The following HPSE2 variants were observed in gnomAD, a reference collection of about 807,000 sequenced individuals.
HPSE2 encodes the protein heparanase 2 (inactive).
Under a neutral mutation model 60.5 loss-of-function variants are expected in HPSE2, and 38 were observed. The observed-to-expected ratio is 0.63, with a 90% CI of 0.48 to 0.82. The LOEUF is 0.82. Ranked by LOEUF, HPSE2 falls within the 40% of genes least tolerant of loss-of-function variation. HPSE2 has a pLI of 0.00. For synonymous variants in HPSE2, 295 were observed against 293.2 expected (o/e 1.01, Z -0.06); for missense variants, 713 against 740.4 (o/e 0.96, Z 0.43).
At chr10:99,179,781 C>T (rs984693012) in intron 2 of HPSE2, among the ~76,000 whole-genome samples, 1 of 150,656 alleles carries the variant, frequency 6.6e-6, no homozygotes, top group Non-Finnish European at 1.5e-5. Context: ...CATATGAAAC[C>T]AAAAAGGAGC....
chr10:98,749,504 CATATATACATACATACAAGAAGAT>C (rs1949705903), intron 3 of HPSE2, among the ~76,000 whole-genome samples: 1 of 149,926 alleles, frequency 6.7e-6, no homozygotes, highest in Non-Finnish European at 1.5e-5. Context: ...TATATATATG[CATATATACATACATACAAGAAGAT>C]AGATATACAT....
At chr10:98,790,477 A>C (rs1467778284) in intron 3 of HPSE2, among the ~76,000 whole-genome samples, 1 of 152,186 alleles carries the variant, frequency 6.6e-6, no homozygotes, top group Non-Finnish European at 1.5e-5. Context: ...AGGTTACCAG[A>C]GGCTGGGAGG....
intron 6 of HPSE2, among the ~76,000 whole-genome samples, chr10:98,682,419 A>G (rs1565075397): frequency 6.6e-6 from 1 of 152,198 alleles, no homozygotes; most frequent in Non-Finnish European, 1.5e-5. Context: ...AAGAACAGCC[A>G]AACACACAAC....
At chr10:98,803,038 T>C (rs1173732103) in intron 3 of HPSE2, among the ~76,000 whole-genome samples, 524 of 150,098 alleles carry the variant, frequency 3.5e-3, no homozygotes, top group Non-Finnish European at 4.7e-3. Flanking sequence ...TGGTATCTCA[T>C]TGTGGTTTTG....
At chr10:98,829,785 T>C (rs1401641429) in intron 3 of HPSE2, among the ~76,000 whole-genome samples, 3 of 152,212 alleles carry the variant, frequency 2.0e-5, no homozygotes, top group African/African-American at 4.8e-5. Context: ...TTTTCAACAC[T>C]ACTTATATGA....
chr10:98,600,929 A>G (rs1477718952), intron 9 of HPSE2, among the ~76,000 whole-genome samples: 5 of 70,546 alleles, frequency 7.1e-5, no homozygotes, highest in Non-Finnish European at 9.5e-5. Context: ...ATATATATAT[A>G]TATATATATA....
At chr10:98,871,432 A>T (rs911490177) in intron 3 of HPSE2, among the ~76,000 whole-genome samples, 9 of 151,548 alleles carry the variant, frequency 5.9e-5, no homozygotes, top group East Asian at 5.8e-4. Context: ...ATACTGGCTT[A>T]AAAAAAACTG....
At chr10:98,698,036 T>C (rs1387723686) in intron 5 of HPSE2, among the ~76,000 whole-genome samples, 1 of 146,772 alleles carries the variant, frequency 6.8e-6, no homozygotes, top group Non-Finnish European at 1.5e-5. Context: ...CACACAATAA[T>C]AATGGGAGAC....
chr10:98,880,066 T>C (rs1952982763), intron 3 of HPSE2, among the ~76,000 whole-genome samples: 1 of 152,026 alleles, frequency 6.6e-6, no homozygotes, highest in African/African-American at 2.4e-5. Context: ...CTGTGTTTAT[T>C]ATAATCTCTG....
At chr10:98,710,443 T>A (rs1057242691) in intron 5 of HPSE2, among the ~76,000 whole-genome samples, 14 of 152,198 alleles carry the variant, frequency 9.2e-5, no homozygotes, top group Admixed American at 9.2e-4. Flanking sequence ...GGAGCTTATG[T>A]TTCCCTTAGT....
At chr10:98,902,957 C>T (rs1953707014) in intron 3 of HPSE2, among the ~76,000 whole-genome samples, 1 of 151,996 alleles carries the variant, frequency 6.6e-6, no homozygotes, top group Non-Finnish European at 1.5e-5. Context: ...CATATGCCCA[C>T]ACAAAAACTT....
At chr10:98,879,817 G>C (rs1016678194) in intron 3 of HPSE2, among the ~76,000 whole-genome samples, 1 of 150,790 alleles carries the variant, frequency 6.6e-6, no homozygotes, top group African/African-American at 2.4e-5. Flanking sequence ...CAGTTTTTTA[G>C]TTAATACTGG....
chr10:98,881,803 C>A (rs1953031163), intron 3 of HPSE2, among the ~76,000 whole-genome samples: 5 of 151,948 alleles, frequency 3.3e-5, no homozygotes, highest in Admixed American at 3.3e-4. Flanking sequence ...ATGTACCAAA[C>A]ATTCTCTTGA....
intron 3 of HPSE2, among the ~76,000 whole-genome samples, chr10:98,849,947 T>G (rs1008439427): frequency 4.6e-5 from 7 of 152,238 alleles, no homozygotes; most frequent in African/African-American, 1.4e-4. Flanking sequence ...TTTCTCCACG[T>G]TTGTCAGGCT....
intron 6 of HPSE2, among the ~76,000 whole-genome samples, chr10:98,682,155 T>C (rs1221726646): frequency 6.6e-6 from 1 of 152,196 alleles, no homozygotes; most frequent in African/African-American, 2.4e-5. Flanking sequence ...GCTATCCTTG[T>C]GATGGTTAGG....
chr10:99,133,106 C>A (rs910884488), intron 3 of HPSE2, among the ~76,000 whole-genome samples: 1 of 152,222 alleles, frequency 6.6e-6, no homozygotes, highest in African/African-American at 2.4e-5. Context: ...TTTATGCTCA[C>A]AATGTAAACA....
chr10:98,507,361 ATTTG>A (rs1011331948), intron 9 of HPSE2, among the ~76,000 whole-genome samples: 30 of 152,294 alleles, frequency 2.0e-4, no homozygotes, highest in Admixed American at 5.9e-4. Flanking sequence ...GTTTTATATT[ATTTG>A]TTTATCAGAG....
At chr10:99,210,128 A>T (rs1848906737) in intron 2 of HPSE2, among the ~76,000 whole-genome samples, 1 of 152,234 alleles carries the variant, frequency 6.6e-6, no homozygotes, top group Non-Finnish European at 1.5e-5. Context: ...AGATCCTAAG[A>T]AAACTACCAA....
intron 3 of HPSE2, among the ~76,000 whole-genome samples, chr10:99,056,098 A>G (rs1181417445): frequency 6.8e-6 from 1 of 148,030 alleles, no homozygotes; most frequent in Non-Finnish European, 1.5e-5. Context: ...ACACAAATTA[A>G]CAATATCAGG....
Sources: allele counts gnomAD v4.1 joint callset (sites outside exome capture counted in the v4.1 genomes callset), GRCh38; gene constraint gnomAD v4.1.1; transcripts MANE v1.5; gene names NCBI Gene and HGNC (gene_info 2026-07-23, HGNC 2026-07-21).